TRIM71: variants seen among roughly 807,000 people sequenced by gnomAD.
TRIM71 encodes the protein E3 ubiquitin-protein ligase TRIM71.
A neutral mutation model predicts 61.2 loss-of-function variants in TRIM71; 9 were observed. The observed-to-expected ratio is 0.15, with a 90% CI of 0.09 to 0.26. The LOEUF (loss-of-function observed/expected upper bound fraction) is 0.26. TRIM71 is among the 10% of genes least tolerant of loss of function. The pLI, the probability that TRIM71 is intolerant of heterozygous loss-of-function variation, is 1.00. For missense variants in TRIM71, 998 were observed against 1,238.7 expected (o/e 0.81, Z 2.92); for synonymous variants, 645 against 553.2 (o/e 1.17, Z -2.33).
At chr3:32,829,560 A>G (rs530644907) in intron 1 of TRIM71, among the ~76,000 whole-genome samples, 4 of 152,098 alleles carry the variant, frequency 2.6e-5, no homozygotes, top group Non-Finnish European at 5.9e-5. Flanking sequence ...GAAGCAGATC[A>G]ACTTGCTCAA....
chr3:32,886,564 C>CT (rs1269442561), intron 3 of TRIM71, among the ~76,000 whole-genome samples: 58 of 152,300 alleles, frequency 3.8e-4, no homozygotes, highest in African/African-American at 1.3e-3. Flanking sequence ...GCTAGAAAGA[C>CT]TACTTGCCCC....
intron 1 of TRIM71, among the ~76,000 whole-genome samples, chr3:32,862,689 T>C (rs943059827): frequency 3.3e-5 from 5 of 152,254 alleles, no homozygotes; most frequent in Admixed American, 2.0e-4. Flanking sequence ...TTTAAAAATA[T>C]ATAATTTACA....
At position 32,890,961 on chromosome 3, in the gene TRIM71, A is replaced by G. The variant is rs755884867; in HGVS notation, c.1757A>G (p.Tyr586Cys). 2.5e-6 allele frequency: 4 copies of G among 1,614,054 alleles called. No homozygotes were observed. The South Asian group carries it at 3.3e-5, about 13-fold the overall frequency. Residue 586 changes from tyrosine to cysteine, a missense_variant, in exon 4 of 4, where the codon TAC (tyrosine) becomes TGC (cysteine). Tyr to Cys is a radical substitution (Grantham distance 194). Coordinates refer to ENST00000383763, the MANE Select transcript of TRIM71 (RefSeq NM_001039111.3). This position sits in a 1 kb window ranked among gnomAD's most constrained non-coding sequence, Gnocchi z 6.2. ...GTGGTGGTCAAGTCAGGCCGCAGCT[A>G]CGTGGGCATTGGGCTCCCGGGCCTG... ...FKVVVKSGRS[Y>C]VGIGLPGLSF...
At chr3:32,828,080 T>C (rs988092144) in intron 1 of TRIM71, among the ~76,000 whole-genome samples, 1 of 152,220 alleles carries the variant, frequency 6.6e-6, no homozygotes, top group South Asian at 2.1e-4. Context: ...TGTGAATGAG[T>C]GGCATCAGCA....
chr3:32,823,069 A>C (rs1407755415), intron 1 of TRIM71, among the ~76,000 whole-genome samples: 1 of 152,222 alleles, frequency 6.6e-6, no homozygotes, highest in East Asian at 1.9e-4. Context: ...CAGACATCTC[A>C]CCTACTGGCT....
At chr3:32,883,487 G>A (rs1474624766) in intron 2 of TRIM71, among the ~76,000 whole-genome samples, 3 of 152,308 alleles carry the variant, frequency 2.0e-5, no homozygotes, top group Admixed American at 6.5e-5. Flanking sequence ...ATCAGTTTCC[G>A]TTTCTGCTTT....
intron 1 of TRIM71, among the ~76,000 whole-genome samples, chr3:32,862,784 A>G (rs147186426): frequency 1.3e-5 from 2 of 152,346 alleles, no homozygotes; most frequent in Non-Finnish European, 2.9e-5. Context: ...ATCAGAGGTC[A>G]GATGCATGCC....
chr3:32,863,943 A>G lies in TRIM71; in HGVS notation c.853-9875A>G, dbSNP rs138987361. Among the ~76,000 whole-genome samples the G allele has an allele frequency of 4.5e-3, 689 of 152,268 alleles. 3 individuals carry two copies. The highest frequency in any genetic ancestry group is 0.015 in the African/African-American group (616 of 41,540). On this transcript the variant is annotated intron_variant, in intron 1 of 3. Transcript: ENST00000383763. ...ATGGTCCACCCGCCTCGGCCTCTCA[A>G]AAGTGCTGGGATTACAGGCATGAGC...
intron 2 of TRIM71, among the ~76,000 whole-genome samples, chr3:32,883,938 A>C (rs1260059667): frequency 6.6e-6 from 1 of 152,210 alleles, no homozygotes. Context: ...TGGCATCAGA[A>C]CTGGGTTTGG....
chr3:32,875,152 C>G (rs1011954063), intron 2 of TRIM71, among the ~76,000 whole-genome samples: 3 of 152,214 alleles, frequency 2.0e-5, no homozygotes, highest in African/African-American at 7.2e-5. Context: ...CTTTGTGATA[C>G]AGATTTACTT....
chr3:32,853,360 G>A (rs558897429), intron 1 of TRIM71, among the ~76,000 whole-genome samples: 22 of 151,932 alleles, frequency 1.4e-4, no homozygotes, highest in East Asian at 5.8e-4. Flanking sequence ...CTCGTGATCC[G>A]CCCACCTGAG....
intron 1 of TRIM71, among the ~76,000 whole-genome samples, chr3:32,853,935 C>T (rs770397334): frequency 1.1e-4 from 17 of 151,442 alleles, no homozygotes; most frequent in South Asian, 2.1e-4. Flanking sequence ...ACTCAAGAGG[C>T]GGGGGTTGCA....
rs369358823 is a variant in TRIM71 at position 32,829,180 on chromosome 3, CTTTTCTTTTTTT to C, written c.852+10253_852+10264del. Among the ~76,000 whole-genome samples the C allele has an allele frequency of 4.0e-3, 572 of 143,720 alleles. 1 individual carries two copies. Among genetic ancestry groups the C allele is most frequent in the Non-Finnish European group, 6.1e-3 (399 of 65,070 alleles). The allele number at this position is 143,720 out of a possible 152,430, so 94.3% of individuals were successfully genotyped here. A position where few individuals can be genotyped will look rare whatever the true frequency, so the allele number is the denominator to read the frequency against. The stretch of plus-strand genomic sequence containing the variant: ...GGATAATTTTCTTTTTTTCTTTTTT[CTTTTCTTTTTTT>C]TTTTTTTTTGAGATGGAGTTTTGCT... On this transcript the variant is annotated intron_variant, in intron 1 of 3. Coordinates refer to ENST00000383763, the MANE Select transcript of TRIM71 (RefSeq NM_001039111.3).
chr3:32,836,263 G>GA (rs555764580), intron 1 of TRIM71, among the ~76,000 whole-genome samples: 14 of 144,874 alleles, frequency 9.7e-5, no homozygotes, highest in East Asian at 2.3e-4. Context: ...TCAATCTAAT[G>GA]AAAAAAATGG....
chr3:32,841,587 C>T (rs1284926496), intron 1 of TRIM71, among the ~76,000 whole-genome samples: 1 of 152,070 alleles, frequency 6.6e-6, no homozygotes, highest in Non-Finnish European at 1.5e-5. Flanking sequence ...CACTGCACTC[C>T]AGCGTGGGCC....
At chr3:32,840,519 T>C (rs140092988) in intron 1 of TRIM71, among the ~76,000 whole-genome samples, 2 of 152,312 alleles carry the variant, frequency 1.3e-5, no homozygotes, top group East Asian at 3.9e-4. Flanking sequence ...AGCCCCGAAA[T>C]TGCCTTCTGT....
intron 3 of TRIM71, among the ~76,000 whole-genome samples, chr3:32,889,898 GTGTATGTA>G (rs74270608): frequency 7.9e-5 from 12 of 151,384 alleles, no homozygotes; most frequent in Admixed American, 2.0e-4. Flanking sequence ...GTGTGTGTGT[GTGTATGTA>G]TGTATGTATG....
chr3:32,820,050 A>G (rs1007653721), intron 1 of TRIM71, among the ~76,000 whole-genome samples: 1 of 152,248 alleles, frequency 6.6e-6, no homozygotes, highest in Non-Finnish European at 1.5e-5. Flanking sequence ...AGTCTTGAGA[A>G]GCGGGCTCTT....
intron 1 of TRIM71, among the ~76,000 whole-genome samples, chr3:32,819,743 C>A (rs1696106587): frequency 6.6e-6 from 1 of 152,136 alleles, no homozygotes; most frequent in African/African-American, 2.4e-5. Context: ...GTCTCTTGGG[C>A]CGCGCCCGCC....
Sources: gnomAD v4.1 joint callset for allele counts (sites outside exome capture counted in the v4.1 genomes callset) on GRCh38, gnomAD v4.1.1 for gene constraint, Gnocchi (gnomAD v3.1) non-coding constraint, MANE v1.5 for transcripts, NCBI Gene and HGNC (gene_info 2026-07-23, HGNC 2026-07-21) for gene names.